PNLIPRP3: variants seen among roughly 807,000 people sequenced by gnomAD.
PNLIPRP3 encodes pancreatic lipase related protein 3.
Under a neutral mutation model 52.8 loss-of-function variants are expected in PNLIPRP3, and 58 were observed. That is an observed-to-expected ratio of 1.10 (90% CI 0.89 to 1.37). The LOEUF (loss-of-function observed/expected upper bound fraction) is 1.37, where lower values mean the gene tolerates loss of function less well. PNLIPRP3 is among the 40% of genes most tolerant of loss of function. PNLIPRP3 has a pLI of 0.00. For synonymous variants in PNLIPRP3, 192 were observed against 185.0 expected (o/e 1.04, Z -0.31); for missense variants, 593 against 561.6 (o/e 1.06, Z -0.57).
At chr10:116,448,044 GAAAGAAAGAAAGA>G (rs962303720) in intron 4 of PNLIPRP3, among the ~76,000 whole-genome samples, 2 of 147,644 alleles carry the variant, frequency 1.4e-5, no homozygotes, top group African/African-American at 5.0e-5. Flanking sequence ...GAAAGAAAGA[GAAAGAAAGAAAGA>G]AAAGAAACAG....
Position 116,443,157 on chromosome 10 carries a change from C to T in PNLIPRP3, c.307C>T (p.Gln103Ter). The T allele has an allele frequency of 6.2e-7, 1 of 1,610,448 alleles. No homozygotes were observed. Among genetic ancestry groups the T allele is most frequent in the Non-Finnish European group, 8.5e-7 (1 of 1,177,910 alleles). ...TGGATGGAAAACAGATGGCAAATGGCAGAGAGACATGTGCAATGTATGACA... is the reference window on the plus strand; with the variant it reads ...TGGATGGAAAACAGATGGCAAATGGTAGAGAGACATGTGCAATGTATGACA... ...IAGWKTDGKW[Q>*]RDMCNVLLQL... The change falls in exon 3 of 12, where the codon CAG becomes TAG. Residue 103 changes from glutamine to a stop codon, truncating the protein, a stop_gained. Coordinates refer to ENST00000369230, the MANE Select transcript of PNLIPRP3 (RefSeq NM_001011709.3). LOFTEE classifies it high-confidence loss of function.
In PNLIPRP3 at chr10:116,476,659, C is replaced by T. The variant is rs1437689947; in HGVS notation, c.1180C>T (p.Leu394Phe). 6 of 1,566,862 alleles carry T rather than the reference C, an allele frequency of 3.8e-6. No homozygotes were observed. The East Asian group carries it at 1.4e-4, about 36-fold the overall frequency. ...TGEFAIVSGK[L>F]EPGMTYTKLI... ...TCTTATTTTTGTTTACAGTGGAAAA[C>T]TTGAGCCAGGCATGACTTACACAAA... The change falls in exon 11 of 12, where the codon CTT (leucine) becomes TTT (phenylalanine). Residue 394 changes from leucine (L) to phenylalanine (F), a missense_variant. Leu to Phe is a conservative substitution (Grantham distance 22, BLOSUM62 0). Coordinates refer to ENST00000369230, the MANE Select transcript of PNLIPRP3 (RefSeq NM_001011709.3).
At chr10:116,475,949 T>A (rs1297441274) in intron 10 of PNLIPRP3, among the ~76,000 whole-genome samples, 3 of 152,060 alleles carry the variant, frequency 2.0e-5, no homozygotes, top group Non-Finnish European at 4.4e-5. Context: ...GCAATAGCCA[T>A]AGGAAATGGG....
intron 4 of PNLIPRP3, among the ~76,000 whole-genome samples, 177 bp downstream of exon 4, chr10:116,444,690 T>G (rs1372947493): frequency 6.6e-6 from 1 of 152,234 alleles, no homozygotes; most frequent in African/African-American, 2.4e-5. Context: ...GTAAAGAGTC[T>G]GTGGTTATTT....
chr10:116,429,513 C>T (rs1213994781), intron 1 of PNLIPRP3, among the ~76,000 whole-genome samples: 1 of 152,156 alleles, frequency 6.6e-6, no homozygotes, highest in Non-Finnish European at 1.5e-5. Context: ...AACATCTTGG[C>T]GCTAGCTTGT....
rs756518511 is a variant in PNLIPRP3 at position 116,471,834 on chromosome 10, G to A, written c.1127G>A (p.Arg376His). 148 of 1,611,142 alleles carry A rather than the reference G, an allele frequency of 9.2e-5. No individual in the cohort carries two copies. The highest frequency in any genetic ancestry group is 1.1e-4 in the Non-Finnish European group (130 of 1,178,116). The change falls in exon 10 of 12, where the codon CGT (arginine) becomes CAT (histidine). Residue 376 changes from arginine to histidine, a missense_variant. By Grantham distance (29) the Arg-to-His change is conservative. Transcript: ENST00000369230. ...GTCACTCAAGGAACTGTCTTTCTTC[G>A]TGTAGGCGGGGCAGTTAGGAAAACT... is the stretch of plus-strand genomic sequence containing the variant. ...SEVTQGTVFL[R>H]VGGAVRKTGE...
At chr10:116,440,148 C>T in intron 2 of PNLIPRP3, 1 of 604,052 alleles carries the variant, frequency 1.7e-6, no homozygotes, top group Non-Finnish European at 2.9e-6. Flanking sequence ...TTAGGATGTT[C>T]AGGGCATATT....
chr10:116,474,543 C>A (rs1257119255), intron 10 of PNLIPRP3, among the ~76,000 whole-genome samples: 1 of 152,172 alleles, frequency 6.6e-6, no homozygotes, highest in Non-Finnish European at 1.5e-5. Flanking sequence ...CTTTGGCAAC[C>A]TATCCATCTG....
chr10:116,464,164 T>TA (rs1352976151), intron 7 of PNLIPRP3, among the ~76,000 whole-genome samples: 1 of 152,228 alleles, frequency 6.6e-6, no homozygotes, highest in African/African-American at 2.4e-5. Context: ...GCATTCTTTA[T>TA]AAAACCCCCC....
chr10:116,430,204 G>A (rs757497323), intron 1 of PNLIPRP3, among the ~76,000 whole-genome samples: 57 of 152,244 alleles, frequency 3.7e-4, no homozygotes, highest in African/African-American at 9.1e-4. Context: ...GGATAGACAC[G>A]CTGGGAGCTT....
In PNLIPRP3 at chr10:116,448,452, T is replaced by C. The variant is rs549854950; in HGVS notation, c.456+3939T>C. On this transcript the variant is annotated intron_variant, in intron 4 of 11. Transcript: ENST00000369230. ...GAAAGATTTAAAAAAGCTATCAAAG[T>C]ATATTAACACAAAAAATCAACAAAA... Among the ~76,000 whole-genome samples the C allele has an allele frequency of 9.7e-4, 148 of 152,098 alleles. 1 individual carries two copies. Among genetic ancestry groups the C allele is most frequent in the African/African-American group, 3.3e-3 (136 of 41,510 alleles).
At chr10:116,466,674 A>C (rs1846286291) in intron 8 of PNLIPRP3, among the ~76,000 whole-genome samples, 1 of 152,242 alleles carries the variant, frequency 6.6e-6, no homozygotes, top group Non-Finnish European at 1.5e-5. Context: ...TATGTGACAA[A>C]CTACCAAATC....
At chr10:116,441,714 G>T (rs1845861324) in intron 2 of PNLIPRP3, among the ~76,000 whole-genome samples, 1 of 152,124 alleles carries the variant, frequency 6.6e-6, no homozygotes, top group African/African-American at 2.4e-5. Flanking sequence ...TAACTTCAAA[G>T]GCCATGTGGA....
chr10:116,428,333 T>C lies in PNLIPRP3; in HGVS notation c.49+272T>C, dbSNP rs1311977388. On this transcript the variant is annotated intron_variant, in intron 1 of 11. Coordinates refer to ENST00000369230, the MANE Select transcript of PNLIPRP3 (RefSeq NM_001011709.3). ...ATAAAGAAGCATCTATTTCCAACAA[T>C]ATAAAAGAGTTGCCGGACAGTCTTG... is the stretch of plus-strand genomic sequence containing the variant. Among the ~76,000 whole-genome samples the C allele has an allele frequency of 4.6e-5, 7 of 152,114 alleles. No individual in the cohort carries two copies. The East Asian group carries it at 1.3e-3, about 29-fold the overall frequency.
intron 4 of PNLIPRP3, among the ~76,000 whole-genome samples, chr10:116,450,984 A>C (rs1235491827): frequency 6.6e-6 from 1 of 152,170 alleles, no homozygotes; most frequent in Non-Finnish European, 1.5e-5. Context: ...CTGAATAGCC[A>C]AAACAATCTC....
At chr10:116,471,732 T>G (rs1229462152) in intron 9 of PNLIPRP3, 36 bp from the exon 10 acceptor site, 1 of 1,489,332 alleles carries the variant, frequency 6.7e-7, no homozygotes, top group Admixed American at 1.7e-5. Context: ...TTTTTAACCC[T>G]TTCTCTCCCT....
intron 9 of PNLIPRP3, among the ~76,000 whole-genome samples, chr10:116,469,948 A>C (rs1307823616): frequency 6.9e-6 from 1 of 144,876 alleles, no homozygotes; most frequent in Non-Finnish European, 1.5e-5. Context: ...TGCCTGTTAC[A>C]CAATTATTGC....
intron 7 of PNLIPRP3, among the ~76,000 whole-genome samples, chr10:116,465,545 AAAAC>A (rs138936269): frequency 1.3e-5 from 2 of 151,718 alleles, no homozygotes; most frequent in Non-Finnish European, 1.5e-5. Flanking sequence ...AAAAAAAAAC[AAAAC>A]AAACAAACAA....
Position 116,431,478 on chromosome 10 carries a change from C to T in PNLIPRP3, c.49+3417C>T, listed in dbSNP as rs923755042. Reference sequence around the variant, plus strand: ...GTTTTTTTTATTATTTTGAAACATGCTATGGTAAACATACTGTATATAATA... The same window carrying T: ...GTTTTTTTTATTATTTTGAAACATGTTATGGTAAACATACTGTATATAATA... On this transcript the variant is annotated intron_variant, in intron 1 of 11. Transcript: ENST00000369230. 3.3e-5 allele frequency among the ~76,000 whole-genome samples: 5 copies of T among 152,214 alleles called. No homozygotes were observed. In the South Asian group the frequency reaches 6.2e-4, roughly 19 times the overall value.
Sources: allele counts gnomAD v4.1 joint callset (sites outside exome capture counted in the v4.1 genomes callset), GRCh38; gene constraint gnomAD v4.1.1; transcripts MANE v1.5; gene names NCBI Gene and HGNC (gene_info 2026-07-23, HGNC 2026-07-21).